HELZ: variants seen among roughly 807,000 people sequenced by gnomAD.
HELZ encodes ATP-dependent RNA helicase with zinc finger domain.
In HELZ, 23 loss-of-function variants were observed where a neutral mutation model predicts 218.2. The ratio of observed to expected loss-of-function variants is 0.11; its 90% confidence interval spans 0.08 to 0.15. The LOEUF is 0.15. Among genes scored for constraint, HELZ ranks in the 10% least tolerant of loss-of-function variants. The pLI, the probability that HELZ is intolerant of heterozygous loss-of-function variation, is 1.00. For synonymous variants in HELZ, 814 were observed against 829.4 expected, an observed-to-expected ratio of 0.98 and a Z score of 0.32; for missense variants, 1,813 against 2,353.7, an observed-to-expected ratio of 0.77 and a Z score of 4.75.
At chr17:67,195,945 G>C (rs541501540) in intron 7 of HELZ, among the ~76,000 whole-genome samples, 1 of 142,206 alleles carries the variant, frequency 7.0e-6, no homozygotes, top group Non-Finnish European at 1.5e-5. Flanking sequence ...TCCACCCCCC[G>C]GGTTCAAGTG....
chr17:67,126,864 A>T (rs1410090245), intron 24 of HELZ, among the ~76,000 whole-genome samples: 3 of 152,198 alleles, frequency 2.0e-5, no homozygotes, highest in Non-Finnish European at 2.9e-5. Context: ...TGTCTCAAAA[A>T]ATAATAATAG....
At chr17:67,186,985 A>C (rs2039773758) in intron 12 of HELZ, among the ~76,000 whole-genome samples, 2 of 152,294 alleles carry the variant, frequency 1.3e-5, no homozygotes, top group South Asian at 4.1e-4. Context: ...ATTGGAACAC[A>C]GTCACACCCA....
intron 27 of HELZ, chr17:67,120,154 C>T (rs2143821456): frequency 2.5e-6 from 1 of 395,890 alleles, no homozygotes; most frequent in South Asian, 2.2e-5. Flanking sequence ...CAGGCACCCG[C>T]CACCATGCCC....
At chr17:67,152,580 G>A (rs763909993) in intron 17 of HELZ, among the ~76,000 whole-genome samples, 3 of 151,998 alleles carry the variant, frequency 2.0e-5, no homozygotes, top group African/African-American at 7.2e-5. Flanking sequence ...AAAGAGGAAC[G>A]GATTTGGGGT....
chr17:67,206,848 C>T (rs1337697171), intron 5 of HELZ, among the ~76,000 whole-genome samples: 1 of 151,916 alleles, frequency 6.6e-6, no homozygotes, highest in African/African-American at 2.4e-5. Flanking sequence ...ATCCACCCGC[C>T]TCAGCCTCCC....
chr17:67,160,013 C>T (rs2038952092), intron 17 of HELZ, among the ~76,000 whole-genome samples: 1 of 152,034 alleles, frequency 6.6e-6, no homozygotes, highest in Non-Finnish European at 1.5e-5. Flanking sequence ...TCAAAATCTA[C>T]TCAGGTTGAA....
At chr17:67,085,115 A>G (rs1057500227) in intron 32 of HELZ, among the ~76,000 whole-genome samples, 11 of 151,266 alleles carry the variant, frequency 7.3e-5, no homozygotes, top group Middle Eastern at 3.4e-3. Context: ...TCAAAAACAA[A>G]CAAACAAAAA....
At chr17:67,127,642 G>A (rs1384127115) in intron 24 of HELZ, among the ~76,000 whole-genome samples, 1 of 152,156 alleles carries the variant, frequency 6.6e-6, no homozygotes, top group East Asian at 1.9e-4. Context: ...GAGCCCCGGA[G>A]TTTGAGACCA....
chr17:67,128,970 C>T, intron 23 of HELZ, 115 bp from the exon 24 acceptor site: 1 of 755,724 alleles, frequency 1.3e-6, no homozygotes. Context: ...TCCTTAAACC[C>T]AATAGTCATC....
At chr17:67,190,397 G>T in intron 9 of HELZ, 42 bp from the exon 10 acceptor site, 1 of 1,476,776 alleles carries the variant, frequency 6.8e-7, no homozygotes. Context: ...ATACTTTGTT[G>T]AACCATTTAA....
intron 31 of HELZ, among the ~76,000 whole-genome samples, chr17:67,093,771 T>C (rs1350657601): frequency 6.6e-6 from 1 of 151,802 alleles, no homozygotes; most frequent in Non-Finnish European, 1.5e-5. Flanking sequence ...CTTGCCTAGA[T>C]AACTATGACA....
chr17:67,119,906 G>A, intron 27 of HELZ: 1 of 405,284 alleles, frequency 2.5e-6, no homozygotes, highest in Non-Finnish European at 4.7e-6. Flanking sequence ...ACCCTCTGAG[G>A]TTACATCTCA....
chr17:67,177,500 G>A (rs1368274064), intron 13 of HELZ, among the ~76,000 whole-genome samples: 1 of 151,608 alleles, frequency 6.6e-6, no homozygotes, highest in African/African-American at 2.4e-5. Flanking sequence ...CCAGGATTCT[G>A]GTAAGCTTTT....
In HELZ at chr17:67,211,530, T is replaced by C. The variant is rs186396070; in HGVS notation, c.247+4369A>G. 1.1e-4 allele frequency among the ~76,000 whole-genome samples: 16 copies of C among 152,304 alleles called. No homozygotes were observed. In the East Asian group the frequency reaches 2.9e-3, roughly 28 times the overall value. On this transcript the variant is annotated intron_variant, in intron 5 of 32. Transcript: ENST00000358691. ...TATGAATGTTTATTATATCATTTAC[T>C]CTACTTTCCTGTGTGTCTTACATTT...
intron 24 of HELZ, 62 bp downstream of exon 24, chr17:67,128,589 T>G: frequency 7.1e-7 from 1 of 1,413,128 alleles, no homozygotes; most frequent in Non-Finnish European, 1.0e-6. Context: ...CCAATAAACC[T>G]TTGGCACTTC....
intron 27 of HELZ, among the ~76,000 whole-genome samples, chr17:67,119,309 G>A (rs1010136994): frequency 2.6e-5 from 4 of 152,002 alleles, no homozygotes; most frequent in African/African-American, 9.7e-5. Context: ...GAATACTAAC[G>A]GTAAAAAGGA....
chr17:67,241,471 C>T (rs148270644), intron 2 of HELZ, among the ~76,000 whole-genome samples: 1 of 152,188 alleles, frequency 6.6e-6, no homozygotes, highest in Non-Finnish European at 1.5e-5. Flanking sequence ...ATCTGGGCTA[C>T]TTACTTGTAG....
intron 13 of HELZ, among the ~76,000 whole-genome samples, chr17:67,168,340 T>C (rs1219078834): frequency 2.6e-5 from 4 of 152,182 alleles, no homozygotes; most frequent in Non-Finnish European, 5.9e-5. Flanking sequence ...ACAAGCTAAG[T>C]TGTGTTGAAG....
chr17:67,186,582 TATC>T (rs1348295339), intron 12 of HELZ, among the ~76,000 whole-genome samples: 3 of 152,200 alleles, frequency 2.0e-5, no homozygotes, highest in African/African-American at 7.2e-5. Context: ...CTTTTCTAAT[TATC>T]ATGTTTTAAT....
Sources: allele counts gnomAD v4.1 joint callset (sites outside exome capture counted in the v4.1 genomes callset), GRCh38; gene constraint gnomAD v4.1.1; transcripts MANE v1.5; gene names NCBI Gene and HGNC (gene_info 2026-07-23, HGNC 2026-07-21).